The following KIF27 variants were observed in gnomAD, a reference collection of about 807,000 sequenced individuals.
KIF27 encodes the protein kinesin family member 27.
KIF27 carries 84 observed loss-of-function variants against 141.8 expected under a neutral mutation model. The ratio of observed to expected loss-of-function variants is 0.59; its 90% confidence interval spans 0.50 to 0.71. The LOEUF (loss-of-function observed/expected upper bound fraction) is 0.71. KIF27 is among the 30% of genes least tolerant of loss of function. The pLI is 0.00. For missense variants in KIF27, 1,306 were observed against 1,628.4 expected, an observed-to-expected ratio of 0.80 and a Z score of 3.41; for synonymous variants, 471 against 569.5, an observed-to-expected ratio of 0.83 and a Z score of 2.46.
Position 83,834,852 on chromosome 9 carries a change from AATATG to A in KIF27, c.*2144_*2148del, listed in dbSNP as rs1448569747. On this transcript the variant is annotated 3_prime_UTR_variant, in exon 18 of 18. Transcript: ENST00000297814. ...TATATAATGATATATCATGATATAA[AATATG>A]ATATGAAATAATATAAAGTGAAATA... Among the ~76,000 whole-genome samples the A allele has an allele frequency of 2.0e-5, 3 of 148,042 alleles. No individual in the cohort carries two copies. The highest frequency in any genetic ancestry group is 4.2e-4 in the South Asian group (2 of 4,794).
chr9:83,850,022 A>C, intron 16 of KIF27, 77 bp downstream of exon 16: 2 of 1,295,146 alleles, frequency 1.5e-6, no homozygotes, highest in Non-Finnish European at 2.2e-6. Flanking sequence ...CTTTTAAGTG[A>C]TCAAATTCTG....
intron 12 of KIF27, among the ~76,000 whole-genome samples, chr9:83,869,246 T>C (rs191496277): frequency 2.2e-4 from 34 of 152,228 alleles, no homozygotes; most frequent in Non-Finnish European, 3.8e-4. Context: ...GTAGAGATAA[T>C]TGCATTCTAG....
At chr9:83,902,521 C>T (rs1277663608) in intron 4 of KIF27, among the ~76,000 whole-genome samples, 1 of 152,220 alleles carries the variant, frequency 6.6e-6, no homozygotes, top group Non-Finnish European at 1.5e-5. Context: ...TATATACCTA[C>T]ATTCCTTAAA....
At chr9:83,848,386 T>C (rs1193676191) in intron 16 of KIF27, among the ~76,000 whole-genome samples, 2 of 136,936 alleles carry the variant, frequency 1.5e-5, no homozygotes, top group East Asian at 4.1e-4. Flanking sequence ...TATCTATATA[T>C]CATATATGCT....
At chr9:83,907,214 C>A (rs1207289112) in intron 3 of KIF27, among the ~76,000 whole-genome samples, 2 of 151,496 alleles carry the variant, frequency 1.3e-5, no homozygotes, top group African/African-American at 4.9e-5. Flanking sequence ...GGCGTGAACC[C>A]GGGAGGCGGA....
rs1247871843 is a variant in KIF27 at position 83,860,210 on chromosome 9, G to A, written c.2935-839C>T. The A allele has an allele frequency of 4.6e-5, 7 of 152,206 alleles. No individual in the cohort carries two copies. The East Asian group carries it at 1.4e-3, about 29-fold the overall frequency. The allele number at this position is 152,206 out of a possible 1,614,324, so 9.4% of individuals were successfully genotyped here. On this transcript the variant is annotated intron_variant, in intron 13 of 17. Coordinates refer to ENST00000297814, the MANE Select transcript of KIF27 (RefSeq NM_017576.4). ...AATTATTTGTATATACTACCATAAGGTTTATTATAGAGACACATACTATCA... is the reference window on the plus strand; with the variant it reads ...AATTATTTGTATATACTACCATAAGATTTATTATAGAGACACATACTATCA...
At chr9:83,854,639 G>A (rs1389231684) in intron 14 of KIF27, among the ~76,000 whole-genome samples, 1 of 152,114 alleles carries the variant, frequency 6.6e-6, no homozygotes, top group Non-Finnish European at 1.5e-5. Context: ...GGGCCCAAGC[G>A]AACCTCCTAC....
intron 5 of KIF27, among the ~76,000 whole-genome samples, chr9:83,892,131 A>T (rs997514468): frequency 1.3e-5 from 2 of 152,236 alleles, no homozygotes; most frequent in African/African-American, 4.8e-5. Flanking sequence ...GAAGTGTATC[A>T]AATCTAGAAA....
chr9:83,870,637 A>G lies in KIF27; in HGVS notation c.2644-5T>C, dbSNP rs763033331. ...TCCTGTTTTTAATTGTATTTCCTATAGAAAAAGAAATTGAAAACACCTTAT... is the reference window on the plus strand; with the variant it reads ...TCCTGTTTTTAATTGTATTTCCTATGGAAAAAGAAATTGAAAACACCTTAT... On this transcript the variant is annotated splice_region_variant and splice_polypyrimidine_tract_variant and intron_variant, in intron 11 of 17. Coordinates refer to ENST00000297814, the MANE Select transcript of KIF27 (RefSeq NM_017576.4). The G allele has an allele frequency of 1.9e-6, 3 of 1,613,354 alleles. No homozygotes were observed. The highest frequency in any genetic ancestry group is 1.7e-6 in the Non-Finnish European group (2 of 1,179,670).
Position 83,835,001 on chromosome 9 carries a change from A to C in KIF27, c.*2000T>G, listed in dbSNP as rs1243053384. 1.3e-5 allele frequency among the ~76,000 whole-genome samples: 2 copies of C among 148,484 alleles called. No individual in the cohort carries two copies. Among genetic ancestry groups the C allele is most frequent in the East Asian group, 3.9e-4 (2 of 5,154 alleles). ...GTCAGTGCCTTCAACAAAGCACAGC[A>C]ATAATATATTTAAATAAATATGTAT... is the stretch of plus-strand genomic sequence containing the variant. On this transcript the variant is annotated 3_prime_UTR_variant, in exon 18 of 18. Coordinates refer to ENST00000297814, the MANE Select transcript of KIF27 (RefSeq NM_017576.4).
intron 2 of KIF27, among the ~76,000 whole-genome samples, chr9:83,911,198 C>G (rs1272939523): frequency 6.6e-6 from 1 of 152,104 alleles, no homozygotes; most frequent in Admixed American, 6.5e-5. Flanking sequence ...TCTGAAGTAG[C>G]TGGGACTACA....
chr9:83,879,222 G>A (rs989518652), intron 11 of KIF27, among the ~76,000 whole-genome samples: 12 of 148,812 alleles, frequency 8.1e-5, no homozygotes, highest in African/African-American at 3.0e-4. Context: ...TAAATTTTAT[G>A]TTATATATAT....
At position 83,853,701 on chromosome 9, in the gene KIF27, T is replaced by A; in HGVS notation, c.3285A>T (p.Ala1095=). The change falls in exon 15 of 18, where the codon GCA becomes GCT. Residue 1095 remains alanine, a synonymous_variant. Transcript: ENST00000297814. ...GGCAAGCTAGCTTTTCCAAGACATT[T>A]GCTTCACCACGAGAGAGGTTATGGA... The part of the protein sequence containing the change: ...ASFHNLSRGE[A]NVLEKLACLS... The A allele has an allele frequency of 6.2e-7, 1 of 1,613,900 alleles. No individual in the cohort carries two copies. Among genetic ancestry groups the A allele is most frequent in the Non-Finnish European group, 8.5e-7 (1 of 1,179,814 alleles).
At chr9:83,914,360 A>C (rs1323447644) in intron 2 of KIF27, among the ~76,000 whole-genome samples, 1 of 152,114 alleles carries the variant, frequency 6.6e-6, no homozygotes, top group Non-Finnish European at 1.5e-5. Context: ...TTAGTTGGAG[A>C]GTATTGGCTT....
chr9:83,848,178 CATATATG>C (rs1368110207), intron 16 of KIF27, among the ~76,000 whole-genome samples: 1 of 35,396 alleles, frequency 2.8e-5, no homozygotes, highest in African/African-American at 2.3e-4. Context: ...TCTGATATAT[CATATATG>C]ATATATATGA....
chr9:83,858,954 G>A (rs564194498), intron 14 of KIF27: 1 of 586,426 alleles, frequency 1.7e-6, no homozygotes, highest in Admixed American at 3.0e-5. Flanking sequence ...CATGTCCATG[G>A]ACCACTATGT....
rs566447120 is a variant in KIF27, at chr9:83,864,187, G to C, written c.2934+3497C>G. Among the ~76,000 whole-genome samples, 187 of 152,204 alleles carry C rather than the reference G, an allele frequency of 1.2e-3. 1 individual carries two copies. The highest frequency in any genetic ancestry group is 2.6e-4 in the Non-Finnish European group (18 of 68,022). ...TCTTTATCTCCTTCAGTTCTGCTCT[G>C]ATCTTAGTTATTTCTTGCCTTCTGC... On this transcript the variant is annotated intron_variant, in intron 13 of 17. Transcript: ENST00000297814.
intron 5 of KIF27, among the ~76,000 whole-genome samples, chr9:83,896,406 T>C (rs1423651403): frequency 6.6e-6 from 1 of 152,184 alleles, no homozygotes; most frequent in East Asian, 1.9e-4. Flanking sequence ...ATCTAAAAAT[T>C]AGTACAGTTC....
chr9:83,889,483 C>A (rs1380900606), intron 6 of KIF27, among the ~76,000 whole-genome samples: 2 of 152,174 alleles, frequency 1.3e-5, no homozygotes, highest in African/African-American at 4.8e-5. Context: ...CTCTTCTGGA[C>A]AACTCTTCTA....
Sources: allele counts gnomAD v4.1 joint callset (sites outside exome capture counted in the v4.1 genomes callset), GRCh38; gene constraint gnomAD v4.1.1; transcripts MANE v1.5; gene names NCBI Gene and HGNC (gene_info 2026-07-23, HGNC 2026-07-21).